RBFOX1: variants seen among roughly 807,000 people sequenced by gnomAD.
RBFOX1 encodes RNA binding protein fox-1 homolog 1.
RBFOX1 carries 8 observed loss-of-function variants against 57.7 expected under a neutral mutation model. That is an observed-to-expected ratio of 0.14 (90% CI 0.08 to 0.25). RBFOX1 has a LOEUF of 0.25. Among genes scored for constraint, RBFOX1 ranks in the 10% least tolerant of loss-of-function variants. The pLI is 1.00. For missense variants in RBFOX1, 611 were observed against 548.5 expected (o/e 1.11, Z -1.14); for synonymous variants, 326 against 222.4 (o/e 1.47, Z -4.15).
chr16:6,431,930 T>TTTCC (rs2094109232), intron 2 of RBFOX1, among the ~76,000 whole-genome samples: 1 of 150,974 alleles, frequency 6.6e-6, no homozygotes, highest in African/African-American at 2.4e-5. Context: ...TCTTTCTTTC[T>TTTCC]TTCTTTCTTT....
At chr16:6,626,871 C>G (rs1333568992) in intron 2 of RBFOX1, among the ~76,000 whole-genome samples, 3 of 152,140 alleles carry the variant, frequency 2.0e-5, no homozygotes, top group Non-Finnish European at 2.9e-5. Context: ...GCACTTTAGT[C>G]ATAGTTATTT....
At chr16:7,535,474 C>G (rs1321850789) in intron 5 of RBFOX1, among the ~76,000 whole-genome samples, 1 of 152,192 alleles carries the variant, frequency 6.6e-6, no homozygotes, top group African/African-American at 2.4e-5. Context: ...TGAAAATAAA[C>G]TGGGCTAGAT....
At chr16:7,022,267 C>A (rs752365185) in intron 3 of RBFOX1, among the ~76,000 whole-genome samples, 16 of 150,904 alleles carry the variant, frequency 1.1e-4, no homozygotes, top group Non-Finnish European at 1.9e-4. Context: ...TGGCCAGGTT[C>A]GTCTTGAACT....
chr16:6,952,411 C>G (rs2080951287), intron 3 of RBFOX1, among the ~76,000 whole-genome samples: 1 of 152,124 alleles, frequency 6.6e-6, no homozygotes, highest in South Asian at 2.1e-4. Flanking sequence ...CTTTGTGAGG[C>G]CAAGGCAGGA....
At chr16:5,969,482 T>TC (rs1265678909) in intron 4 of RBFOX1, among the ~76,000 whole-genome samples, 1 of 147,430 alleles carries the variant, frequency 6.8e-6, no homozygotes, top group East Asian at 2.0e-4. Context: ...TGGCTATTTT[T>TC]TTTTTTTTTT....
At chr16:6,724,824 C>T (rs1368117237) in intron 3 of RBFOX1, among the ~76,000 whole-genome samples, 1 of 151,980 alleles carries the variant, frequency 6.6e-6, no homozygotes, top group Non-Finnish European at 1.5e-5. Context: ...TTTGCTTCAC[C>T]TATCAACCCA....
At chr16:5,472,605 T>G (rs2069176673) in intron 2 of RBFOX1, among the ~76,000 whole-genome samples, 1 of 152,128 alleles carries the variant, frequency 6.6e-6, no homozygotes, top group South Asian at 2.1e-4. Context: ...CTTAATTATT[T>G]CTTAGAGTGA....
chr16:5,653,745 C>A (rs1445479566), intron 3 of RBFOX1, among the ~76,000 whole-genome samples: 2 of 152,158 alleles, frequency 1.3e-5, no homozygotes, highest in African/African-American at 2.4e-5. Flanking sequence ...CTCATTTCCA[C>A]AGGCCAGGGG....
intron 4 of RBFOX1, among the ~76,000 whole-genome samples, chr16:7,447,224 G>C (rs1040632408): frequency 2.6e-5 from 4 of 151,800 alleles, no homozygotes; most frequent in African/African-American, 9.7e-5. Flanking sequence ...TTGAGGTCAG[G>C]AGTTCGAGAC....
At chr16:6,351,221 C>T (rs1323451865) in intron 2 of RBFOX1, among the ~76,000 whole-genome samples, 3 of 150,782 alleles carry the variant, frequency 2.0e-5, no homozygotes, top group Admixed American at 2.0e-4. Context: ...AGTAAATATA[C>T]AACTGTGTAA....
chr16:7,346,041 T>C (rs568780067), intron 4 of RBFOX1, among the ~76,000 whole-genome samples: 2 of 152,280 alleles, frequency 1.3e-5, no homozygotes, highest in South Asian at 2.1e-4. Flanking sequence ...AGTGTTCTCA[T>C]TGTTCAATTC....
chr16:7,498,869 C>T (rs2069634633), intron 4 of RBFOX1, among the ~76,000 whole-genome samples: 1 of 152,144 alleles, frequency 6.6e-6, no homozygotes, highest in Non-Finnish European at 1.5e-5. Context: ...TGAAAATTGT[C>T]ATGCGCCCCA....
At chr16:5,757,498 G>A (rs979146015) in intron 3 of RBFOX1, among the ~76,000 whole-genome samples, 1 of 152,050 alleles carries the variant, frequency 6.6e-6, no homozygotes, top group Non-Finnish European at 1.5e-5. Flanking sequence ...CAAAAGTGCT[G>A]GGATTACAGG....
At chr16:7,287,676 A>G (rs1304860989) in intron 4 of RBFOX1, among the ~76,000 whole-genome samples, 1 of 151,768 alleles carries the variant, frequency 6.6e-6, no homozygotes, top group Non-Finnish European at 1.5e-5. Flanking sequence ...AAATGATAAA[A>G]GTCGCCTCTC....
At chr16:6,870,754 A>G (rs2060721577) in intron 3 of RBFOX1, among the ~76,000 whole-genome samples, 1 of 152,188 alleles carries the variant, frequency 6.6e-6, no homozygotes, top group South Asian at 2.1e-4. Flanking sequence ...TCCCCACCCC[A>G]GCCCCTCAAC....
intron 2 of RBFOX1, among the ~76,000 whole-genome samples, chr16:6,538,932 A>T (rs146926152): frequency 6.6e-6 from 1 of 152,284 alleles, no homozygotes; most frequent in Non-Finnish European, 1.5e-5. Flanking sequence ...AGCTGGTGCC[A>T]GGTTGGAAAG....
At chr16:6,561,935 C>G (rs1361504401) in intron 2 of RBFOX1, among the ~76,000 whole-genome samples, 1 of 152,152 alleles carries the variant, frequency 6.6e-6, no homozygotes, top group African/African-American at 2.4e-5. Context: ...CTAGGTAAGT[C>G]AAGCTAAAGC....
At chr16:5,594,128 C>G (rs2047103994) in intron 2 of RBFOX1, among the ~76,000 whole-genome samples, 1 of 152,196 alleles carries the variant, frequency 6.6e-6, no homozygotes, top group African/African-American at 2.4e-5. Context: ...AACCCCACCT[C>G]TGACCCCACA....
At chr16:7,568,614 G>A (rs1036733132) in intron 5 of RBFOX1, among the ~76,000 whole-genome samples, 10 of 152,014 alleles carry the variant, frequency 6.6e-5, no homozygotes, top group African/African-American at 9.7e-5. Context: ...GGCTGGGCGC[G>A]GTGGCTCATG....
Sources: gnomAD v4.1 joint callset for allele counts (sites outside exome capture counted in the v4.1 genomes callset) on GRCh38, gnomAD v4.1.1 for gene constraint, MANE v1.5 for transcripts, NCBI Gene and HGNC (gene_info 2026-07-23, HGNC 2026-07-21) for gene names.